The following PTPRD variants were observed in gnomAD, a reference collection of about 807,000 sequenced individuals.
PTPRD encodes the protein receptor-type tyrosine-protein phosphatase delta.
In PTPRD, 34 loss-of-function variants were observed where a neutral mutation model predicts 214.5. The ratio of observed to expected loss-of-function variants is 0.16; its 90% CI spans 0.12 to 0.21. The LOEUF is 0.21. PTPRD is among the 10% of genes least tolerant of loss of function. The probability of loss-of-function intolerance (pLI) is 1.00; values close to 1 mark genes in which losing one functional copy is unlikely to be tolerated. For synonymous variants in PTPRD, 1,128 were observed against 845.7 expected (o/e 1.33, Z -5.79); for missense variants, 2,545 against 2,398.7 (o/e 1.06, Z -1.27).
intron 6 of PTPRD, among the ~76,000 whole-genome samples, chr9:9,761,519 T>C (rs916986365): frequency 6.6e-6 from 1 of 152,154 alleles, no homozygotes; most frequent in African/African-American, 2.4e-5. Context: ...TAGCATTTTA[T>C]AGAACATAAT....
At chr9:9,953,722 A>G (rs2093656048) in intron 4 of PTPRD, among the ~76,000 whole-genome samples, 1 of 152,176 alleles carries the variant, frequency 6.6e-6, no homozygotes, top group Non-Finnish European at 1.5e-5. Context: ...CTGCTGAAGC[A>G]ACCGGTTTTA....
At chr9:10,527,516 G>A (rs1324191052) in intron 2 of PTPRD, among the ~76,000 whole-genome samples, 1 of 152,148 alleles carries the variant, frequency 6.6e-6, no homozygotes, top group African/African-American at 2.4e-5. Flanking sequence ...GCCATAAATG[G>A]CTTGTACATT....
intron 2 of PTPRD, 97 bp from the exon 3 acceptor site, chr9:10,341,114 CA>C (rs2096931356): frequency 1.3e-5 from 2 of 151,766 alleles, no homozygotes; most frequent in African/African-American, 4.8e-5. Flanking sequence ...TATGGAAGTA[CA>C]AAAACTGAAA....
At chr9:9,060,477 CAT>C (rs2154400792) in intron 10 of PTPRD, among the ~76,000 whole-genome samples, 1 of 151,906 alleles carries the variant, frequency 6.6e-6, no homozygotes, top group East Asian at 1.9e-4. Flanking sequence ...ATACATTAAA[CAT>C]AAAAAATTAG....
intron 2 of PTPRD, among the ~76,000 whole-genome samples, chr9:10,351,665 T>A (rs1445088578): frequency 1.2e-5 from 1 of 82,580 alleles, no homozygotes; most frequent in Non-Finnish European, 2.4e-5. Context: ...AATTCTAACT[T>A]TTTTTTTTTT....
At chr9:10,070,790 G>C (rs77126500) in intron 3 of PTPRD, among the ~76,000 whole-genome samples, 3,711 of 151,670 alleles carry the variant, frequency 0.024, 159 homozygotes, top group African/African-American at 0.085. Context: ...CTCTCCACCG[G>C]CCACTATCAT....
At chr9:9,503,283 GTT>G (rs57010858) in intron 8 of PTPRD, among the ~76,000 whole-genome samples, 41 of 148,366 alleles carry the variant, frequency 2.8e-4, no homozygotes, top group Admixed American at 1.1e-3. Flanking sequence ...ACCAAAAAAA[GTT>G]TTTTTTTTTT....
Position 10,243,755 on chromosome 9 carries a change from C to T in PTPRD, c.-545+97208G>A, listed in dbSNP as rs528859427. 2.6e-5 allele frequency among the ~76,000 whole-genome samples: 4 copies of T among 152,002 alleles called. No individual in the cohort carries two copies. The South Asian group carries it at 8.3e-4, about 31-fold the overall frequency. ...CCTCTAATTACTATCTTGCTCCAAC[C>T]TCTAATTCAAGCCTCCTATTTCACC... On this transcript the variant is annotated intron_variant, in intron 3 of 45. Transcript: ENST00000381196.
chr9:8,694,794 G>A (rs1284882767), intron 12 of PTPRD, among the ~76,000 whole-genome samples: 3 of 151,762 alleles, frequency 2.0e-5, no homozygotes, highest in African/African-American at 7.3e-5. Flanking sequence ...TTTAGCCTTC[G>A]GAGCTGCTTA....
intron 8 of PTPRD, among the ~76,000 whole-genome samples, chr9:9,569,279 G>GGAA (rs2085590146): frequency 1.4e-5 from 2 of 145,332 alleles, no homozygotes; most frequent in Admixed American, 1.4e-4. Flanking sequence ...GAGCAGAGGG[G>GGAA]AAAAAAAAAA....
At chr9:10,138,832 T>C (rs1353119035) in intron 3 of PTPRD, among the ~76,000 whole-genome samples, 1 of 152,118 alleles carries the variant, frequency 6.6e-6, no homozygotes, top group Non-Finnish European at 1.5e-5. Context: ...GAAAAAGCTT[T>C]TGATAAAATC....
intron 5 of PTPRD, among the ~76,000 whole-genome samples, chr9:9,888,931 A>G (rs1211976190): frequency 6.6e-6 from 1 of 152,180 alleles, no homozygotes; most frequent in Non-Finnish European, 1.5e-5. Context: ...CTAACTGTTT[A>G]GAAAAATTTA....
intron 11 of PTPRD, among the ~76,000 whole-genome samples, chr9:8,780,322 G>A (rs2095645786): frequency 6.6e-6 from 1 of 151,950 alleles, no homozygotes; most frequent in African/African-American, 2.4e-5. Flanking sequence ...CCCGAGAGTA[G>A]GTGTAAACAT....
chr9:10,252,254 T>A (rs1216736129), intron 3 of PTPRD, among the ~76,000 whole-genome samples: 2 of 152,216 alleles, frequency 1.3e-5, no homozygotes, highest in African/African-American at 4.8e-5. Flanking sequence ...TGGTGTGTTC[T>A]GCAAAGTTAG....
At chr9:9,522,952 C>T (rs1045672828) in intron 8 of PTPRD, among the ~76,000 whole-genome samples, 5 of 152,102 alleles carry the variant, frequency 3.3e-5, no homozygotes, top group African/African-American at 1.2e-4. Flanking sequence ...GGTGGAAAAG[C>T]CTAAGGGTCC....
At chr9:8,959,249 G>A (rs1275955776) in intron 11 of PTPRD, among the ~76,000 whole-genome samples, 3 of 151,998 alleles carry the variant, frequency 2.0e-5, no homozygotes, top group Admixed American at 6.6e-5. Context: ...AGTGCTATGA[G>A]TGTTTGGAAG....
intron 10 of PTPRD, among the ~76,000 whole-genome samples, chr9:9,130,423 A>G (rs756354013): frequency 2.6e-5 from 4 of 152,162 alleles, no homozygotes; most frequent in Non-Finnish European, 5.9e-5. Context: ...TTAGACACCC[A>G]TCTTTCTGTT....
At chr9:10,421,839 C>T (rs2098548701) in intron 2 of PTPRD, among the ~76,000 whole-genome samples, 3 of 151,304 alleles carry the variant, frequency 2.0e-5, no homozygotes, top group South Asian at 4.2e-4. Context: ...TTTTTTTCTG[C>T]TTTGGTTAAT....
At chr9:9,944,679 A>G (rs1603248817) in intron 4 of PTPRD, among the ~76,000 whole-genome samples, 1 of 152,194 alleles carries the variant, frequency 6.6e-6, no homozygotes, top group East Asian at 1.9e-4. Flanking sequence ...TAGATTGCTT[A>G]AAAACAGCAA....
Sources: gnomAD v4.1 joint callset for allele counts (sites outside exome capture counted in the v4.1 genomes callset) on GRCh38, gnomAD v4.1.1 for gene constraint, MANE v1.5 for transcripts, NCBI Gene and HGNC (gene_info 2026-07-23, HGNC 2026-07-21) for gene names.